The following TMEM132D variants were observed in gnomAD, a reference collection of about 807,000 sequenced individuals.
TMEM132D encodes the protein mature OL transmembrane protein.
In TMEM132D, 21 loss-of-function variants were observed where a neutral mutation model predicts 62.3. The observed-to-expected ratio is 0.34, with a 90% confidence interval of 0.24 to 0.49. TMEM132D has a LOEUF of 0.49. TMEM132D is among the 20% of genes least tolerant of loss of function. The pLI is 0.99. For missense variants in TMEM132D, 1,346 were observed against 1,402.8 expected (o/e 0.96, Z 0.65); for synonymous variants, 621 against 575.6 (o/e 1.08, Z -1.13).
chr12:129,304,433 A>G (rs1192752920), intron 4 of TMEM132D, among the ~76,000 whole-genome samples: 1 of 151,724 alleles, frequency 6.6e-6, no homozygotes, highest in Admixed American at 6.6e-5. Flanking sequence ...ACAATTACAT[A>G]TCCTCCAATA....
chr12:129,451,481 A>T (rs1007928978), intron 3 of TMEM132D, among the ~76,000 whole-genome samples: 1 of 152,244 alleles, frequency 6.6e-6, no homozygotes, highest in African/African-American at 2.4e-5. Context: ...TTGGGTAGCA[A>T]TCACAGGGAA....
chr12:129,286,170 G>A (rs1593323682), intron 4 of TMEM132D, among the ~76,000 whole-genome samples: 1 of 152,292 alleles, frequency 6.6e-6, no homozygotes, highest in South Asian at 2.1e-4. Context: ...TAGAATTTGA[G>A]TTTCAGACAT....
At chr12:129,482,422 A>C (rs999413806) in intron 3 of TMEM132D, among the ~76,000 whole-genome samples, 53 of 152,252 alleles carry the variant, frequency 3.5e-4, no homozygotes, top group African/African-American at 1.3e-3. Context: ...GCAGCATCAT[A>C]TACAACTCTA....
intron 5 of TMEM132D, among the ~76,000 whole-genome samples, chr12:129,172,661 C>T (rs570423132): frequency 6.6e-6 from 1 of 152,186 alleles, no homozygotes; most frequent in South Asian, 2.1e-4. Flanking sequence ...TCACTGCAAC[C>T]TCTGCCTCCC....
chr12:129,846,938 G>A (rs914540105), intron 1 of TMEM132D, among the ~76,000 whole-genome samples: 8 of 151,956 alleles, frequency 5.3e-5, no homozygotes, highest in Non-Finnish European at 7.4e-5. Context: ...CCTCTCCCTT[G>A]GCCTTAGTTT....
intron 2 of TMEM132D, among the ~76,000 whole-genome samples, chr12:129,660,588 C>T (rs1880210874): frequency 6.6e-6 from 1 of 152,134 alleles, no homozygotes; most frequent in Non-Finnish European, 1.5e-5. Context: ...CTCTGGTTCA[C>T]TTAAATGTGT....
At chr12:129,578,265 G>C (rs567873322) in intron 2 of TMEM132D, among the ~76,000 whole-genome samples, 2 of 151,958 alleles carry the variant, frequency 1.3e-5, no homozygotes, top group Admixed American at 6.6e-5. Flanking sequence ...AGGCTTCCCC[G>C]GGGCCCCAGC....
intron 3 of TMEM132D, among the ~76,000 whole-genome samples, chr12:129,530,679 G>A (rs772431132): frequency 1.4e-4 from 22 of 152,264 alleles, no homozygotes; most frequent in South Asian, 2.1e-4. Flanking sequence ...GAAGAGAGAC[G>A]TATAGGCTCT....
chr12:129,393,626 T>C (rs1871347687), intron 3 of TMEM132D, among the ~76,000 whole-genome samples: 2 of 152,114 alleles, frequency 1.3e-5, no homozygotes, highest in Admixed American at 1.3e-4. Flanking sequence ...TAAGAACCAC[T>C]CTCTTTCACC....
intron 1 of TMEM132D, among the ~76,000 whole-genome samples, chr12:129,887,221 C>G (rs918518396): frequency 2.0e-5 from 3 of 152,066 alleles, no homozygotes; most frequent in Admixed American, 2.0e-4. Flanking sequence ...CTGTGCAGAC[C>G]GCCCGCCCCT....
chr12:129,513,809 T>TTTA (rs1161699074), intron 3 of TMEM132D, among the ~76,000 whole-genome samples: 1 of 97,538 alleles, frequency 1.0e-5, no homozygotes, highest in Non-Finnish European at 2.1e-5. Flanking sequence ...TTTATTTTTA[T>TTTA]TTATTTATTT....
chr12:129,458,536 T>C (rs1873555052), intron 3 of TMEM132D, among the ~76,000 whole-genome samples: 1 of 152,110 alleles, frequency 6.6e-6, no homozygotes, highest in Admixed American at 6.6e-5. Flanking sequence ...GTGTCTGGTC[T>C]GATAAGGATA....
intron 5 of TMEM132D, among the ~76,000 whole-genome samples, chr12:129,209,316 A>T (rs1272505140): frequency 6.6e-6 from 1 of 152,168 alleles, no homozygotes; most frequent in Non-Finnish European, 1.5e-5. Flanking sequence ...ACTCGGAGTC[A>T]CCAGCCAGAG....
At chr12:129,696,815 A>G (rs779759097) in intron 2 of TMEM132D, among the ~76,000 whole-genome samples, 3 of 152,164 alleles carry the variant, frequency 2.0e-5, no homozygotes, top group Non-Finnish European at 4.4e-5. Context: ...GAAGGAAAAC[A>G]TTTTCTGGGA....
chr12:129,449,474 C>A (rs1490180906), intron 3 of TMEM132D, among the ~76,000 whole-genome samples: 2 of 152,160 alleles, frequency 1.3e-5, no homozygotes. Flanking sequence ...AGCAGGAGTT[C>A]TAGGTACTGT....
At chr12:129,207,959 G>A (rs1347426924) in intron 5 of TMEM132D, among the ~76,000 whole-genome samples, 2 of 152,108 alleles carry the variant, frequency 1.3e-5, no homozygotes, top group Non-Finnish European at 2.9e-5. Context: ...ATAGATTATT[G>A]TAAACTGTCA....
At chr12:129,645,034 G>A (rs1173548378) in intron 2 of TMEM132D, among the ~76,000 whole-genome samples, 3 of 149,422 alleles carry the variant, frequency 2.0e-5, no homozygotes, top group South Asian at 2.1e-4. Context: ...ATTTTGAAAC[G>A]GCTGCTGCTT....
At chr12:129,716,391 G>A (rs1868574388) in intron 1 of TMEM132D, among the ~76,000 whole-genome samples, 1 of 152,154 alleles carries the variant, frequency 6.6e-6, no homozygotes, top group Non-Finnish European at 1.5e-5. Flanking sequence ...GAAGTCAAGA[G>A]AACACGTGGG....
chr12:129,114,198 T>A (rs1255593445), intron 5 of TMEM132D, among the ~76,000 whole-genome samples: 1 of 152,158 alleles, frequency 6.6e-6, no homozygotes, highest in East Asian at 1.9e-4. Flanking sequence ...AATTATTTGT[T>A]CCCTGTTCCC....
Sources: allele counts gnomAD v4.1 joint callset (sites outside exome capture counted in the v4.1 genomes callset), GRCh38; gene constraint gnomAD v4.1.1; transcripts MANE v1.5; gene names NCBI Gene and HGNC (gene_info 2026-07-23, HGNC 2026-07-21).